Variants in UNC79 observed in about 807,000 individuals in gnomAD.
UNC79 encodes protein unc-79 homolog.
In UNC79, 37 loss-of-function variants were observed where a neutral mutation model predicts 283.1. That is an observed-to-expected ratio of 0.13 (90% CI 0.10 to 0.17). The LOEUF is 0.17. UNC79 is among the 10% of genes least tolerant of loss of function. The probability of loss-of-function intolerance (pLI) is 1.00; values close to 1 mark genes in which losing one functional copy is unlikely to be tolerated. For missense variants in UNC79, 2,272 were observed against 3,211.1 expected (o/e 0.71, Z 7.07); for synonymous variants, 1,107 against 1,200.2 (o/e 0.92, Z 1.61).
intron 1 of UNC79, among the ~76,000 whole-genome samples, chr14:93,367,326 C>T (rs544575606): frequency 6.6e-6 from 1 of 152,272 alleles, no homozygotes; most frequent in Non-Finnish European, 1.5e-5. Flanking sequence ...ATTTAATAAT[C>T]CAGAACTGAA....
intron 2 of UNC79, among the ~76,000 whole-genome samples, chr14:93,469,817 A>T (rs1405086555): frequency 6.6e-6 from 1 of 152,080 alleles, no homozygotes; most frequent in Non-Finnish European, 1.5e-5. Flanking sequence ...AGGAGTTTGA[A>T]GCTGCAGTGA....
At chr14:93,418,899 G>C (rs1163032217) in intron 1 of UNC79, among the ~76,000 whole-genome samples, 1 of 151,782 alleles carries the variant, frequency 6.6e-6, no homozygotes, top group African/African-American at 2.4e-5. Context: ...GGGTGGGAGT[G>C]ACCCGATTTT....
chr14:93,639,780 G>A lies in UNC79; in HGVS notation c.5801-1365G>A, dbSNP rs181042421. ...AAGGCTCAACACTATTTTTTCTTCC[G>A]AAAATTCAGATTGAAACACATTGCC... On this transcript the variant is annotated intron_variant, in intron 32 of 48. Coordinates refer to ENST00000555664, the Ensembl canonical transcript of UNC79. Among the ~76,000 whole-genome samples the A allele has an allele frequency of 1.4e-3, 215 of 152,240 alleles. 2 individuals carry two copies. The highest frequency in any genetic ancestry group is 4.8e-3 in the African/African-American group (201 of 41,564).
At chr14:93,527,321 T>C (rs1034013036) in intron 8 of UNC79, among the ~76,000 whole-genome samples, 6 of 152,258 alleles carry the variant, frequency 3.9e-5, no homozygotes, top group Non-Finnish European at 8.8e-5. Flanking sequence ...CTATGGCTGC[T>C]TTCATGCTCC....
At chr14:93,559,732 G>A (rs1045392330) in intron 14 of UNC79, among the ~76,000 whole-genome samples, 1 of 152,060 alleles carries the variant, frequency 6.6e-6, no homozygotes, top group African/African-American at 2.4e-5. Context: ...GGCAGGAACC[G>A]ACCATTTTCA....
At chr14:93,347,356 C>A in intron 1 of UNC79, 1 of 1,587,962 alleles carries the variant, frequency 6.3e-7, no homozygotes, top group East Asian at 2.3e-5. Context: ...CCGCTTCGCC[C>A]ACTCGGGGCC....
intron 4 of UNC79, among the ~76,000 whole-genome samples, chr14:93,479,169 C>T (rs1409869650): frequency 8.0e-6 from 1 of 125,704 alleles, no homozygotes; most frequent in East Asian, 2.3e-4. Context: ...ACAGATGAGG[C>T]TGTTTCCTTC....
intron 43 of UNC79, among the ~76,000 whole-genome samples, chr14:93,686,969 G>A (rs2074288276): frequency 1.3e-5 from 2 of 152,190 alleles, no homozygotes; most frequent in South Asian, 4.1e-4. Flanking sequence ...GCTTGGGGTG[G>A]TGTAGTACTT....
chr14:93,384,714 C>T (rs11627543), intron 1 of UNC79, among the ~76,000 whole-genome samples: 2,169 of 152,250 alleles, frequency 0.014, 45 homozygotes, highest in South Asian at 0.025. Flanking sequence ...GATGTGATCT[C>T]ATTTGTCCAT....
chr14:93,539,597 C>A (rs962591708), intron 12 of UNC79, among the ~76,000 whole-genome samples: 1 of 152,048 alleles, frequency 6.6e-6, no homozygotes, highest in East Asian at 1.9e-4. Flanking sequence ...TTTTCTGTTT[C>A]TCTTATCCCA....
intron 1 of UNC79, among the ~76,000 whole-genome samples, chr14:93,422,549 G>A (rs2055623287): frequency 6.6e-6 from 1 of 152,130 alleles, no homozygotes; most frequent in South Asian, 2.1e-4. Context: ...AGTTTTTCAG[G>A]TTAACTTTGA....
At chr14:93,675,325 G>A (rs2073244715) in intron 41 of UNC79, among the ~76,000 whole-genome samples, 1 of 152,216 alleles carries the variant, frequency 6.6e-6, no homozygotes, top group Non-Finnish European at 1.5e-5. Flanking sequence ...AGGAGACGGA[G>A]GAAGGCTTAT....
intron 20 of UNC79, 146 bp from the exon 21 acceptor site, chr14:93,586,450 G>A (rs1277838517): frequency 1.4e-5 from 9 of 643,614 alleles, no homozygotes; most frequent in African/African-American, 5.5e-5. Context: ...ATATGCTAAT[G>A]TGGAGAGCAG....
At chr14:93,632,236 T>C (rs915194561) in intron 31 of UNC79, among the ~76,000 whole-genome samples, 1 of 152,234 alleles carries the variant, frequency 6.6e-6, no homozygotes, top group Admixed American at 6.5e-5. Flanking sequence ...AGTTTCCAAA[T>C]GACAGTTATT....
At chr14:93,489,487 A>G (rs182960368) in intron 5 of UNC79, among the ~76,000 whole-genome samples, 10 of 152,360 alleles carry the variant, frequency 6.6e-5, no homozygotes, top group African/African-American at 2.2e-4. Context: ...TCCAATATAC[A>G]ATGGTTGGAC....
At chr14:93,516,644 A>G (rs1016006992) in intron 7 of UNC79, among the ~76,000 whole-genome samples, 1 of 151,894 alleles carries the variant, frequency 6.6e-6, no homozygotes. Context: ...ATGAGGTTTC[A>G]CCATATTAGC....
intron 40 of UNC79, among the ~76,000 whole-genome samples, chr14:93,670,447 C>T (rs1431461571): frequency 6.6e-6 from 1 of 152,146 alleles, no homozygotes; most frequent in Non-Finnish European, 1.5e-5. Context: ...TCACAGAACT[C>T]AGGAAAGCAC....
chr14:93,691,219 T>C (rs2074670584), intron 45 of UNC79: 1 of 163,718 alleles, frequency 6.1e-6, no homozygotes, highest in African/African-American at 2.4e-5. Flanking sequence ...GGAGGTGATA[T>C]AGGAAAAGCC....
At chr14:93,542,805 C>A in intron 14 of UNC79, 109 bp downstream of exon 14, 1 of 1,011,676 alleles carries the variant, frequency 9.9e-7, no homozygotes, top group South Asian at 1.5e-5. Context: ...AACATCTCTC[C>A]TTATTTTAAT....
Sources: allele counts gnomAD v4.1 joint callset (sites outside exome capture counted in the v4.1 genomes callset), GRCh38; gene constraint gnomAD v4.1.1; transcripts MANE v1.5; gene names NCBI Gene and HGNC (gene_info 2026-07-23, HGNC 2026-07-21).